The following EGFLAM variants were observed in gnomAD, a reference collection of about 807,000 sequenced individuals.
EGFLAM encodes EGF like, fibronectin type III and laminin G domains, also known as pikachurin.
EGFLAM carries 79 observed loss-of-function variants against 113.1 expected under a neutral mutation model. The observed-to-expected ratio is 0.70, with a 90% CI of 0.58 to 0.84. EGFLAM has a LOEUF of 0.84. Among genes scored for constraint, EGFLAM ranks in the 40% least tolerant of loss-of-function variants. EGFLAM has a pLI of 0.00. For missense variants in EGFLAM, 1,265 were observed against 1,291.6 expected, an observed-to-expected ratio of 0.98 and a Z score of 0.32; for synonymous variants, 504 against 487.6, an observed-to-expected ratio of 1.03 and a Z score of -0.44.
intron 19 of EGFLAM, among the ~76,000 whole-genome samples, chr5:38,451,804 A>C (rs1742922408): frequency 6.6e-6 from 1 of 152,054 alleles, no homozygotes; most frequent in Admixed American, 6.5e-5. Flanking sequence ...CAGCCTGAGC[A>C]ACATGGAGAA....
At chr5:38,263,089 T>C (rs1376035138) in intron 1 of EGFLAM, among the ~76,000 whole-genome samples, 1 of 152,042 alleles carries the variant, frequency 6.6e-6, no homozygotes, top group East Asian at 1.9e-4. Flanking sequence ...ACTAATTATA[T>C]TGAACATTTA....
intron 6 of EGFLAM, among the ~76,000 whole-genome samples, chr5:38,387,805 TAG>T (rs1740704345): frequency 6.6e-6 from 1 of 152,254 alleles, no homozygotes; most frequent in Non-Finnish European, 1.5e-5. Flanking sequence ...TTGTATGACC[TAG>T]AGAGAGGCTG....
At chr5:38,427,557 G>C (rs183037076) in intron 14 of EGFLAM, among the ~76,000 whole-genome samples, 1 of 152,274 alleles carries the variant, frequency 6.6e-6, no homozygotes, top group East Asian at 1.9e-4. Flanking sequence ...TCCACCTAAA[G>C]TTATGTCATG....
chr5:38,263,210 C>T (rs999455032), intron 1 of EGFLAM, among the ~76,000 whole-genome samples: 99 of 152,032 alleles, frequency 6.5e-4, no homozygotes, highest in African/African-American at 2.3e-3. Flanking sequence ...GCCTGTAATC[C>T]CAGCACTTTG....
At chr5:38,290,528 C>T (rs1374944423) in intron 1 of EGFLAM, 1 of 152,264 alleles carries the variant, frequency 6.6e-6, no homozygotes, top group Non-Finnish European at 1.5e-5. Flanking sequence ...ATCTGTTCAC[C>T]CTGACCTCTT....
intron 17 of EGFLAM, among the ~76,000 whole-genome samples, chr5:38,447,711 G>T (rs184110276): frequency 1.3e-5 from 2 of 149,182 alleles, no homozygotes; most frequent in African/African-American, 5.0e-5. Context: ...AGCCAAGATC[G>T]CGCCATTTCA....
chr5:38,266,268 T>A (rs887623100), intron 1 of EGFLAM, among the ~76,000 whole-genome samples: 3 of 152,034 alleles, frequency 2.0e-5, no homozygotes, highest in African/African-American at 7.3e-5. Flanking sequence ...CACATTGGGG[T>A]TCAAGTTCTG....
At chr5:38,387,490 T>C (rs1386584248) in intron 6 of EGFLAM, among the ~76,000 whole-genome samples, 1 of 152,218 alleles carries the variant, frequency 6.6e-6, no homozygotes, top group Non-Finnish European at 1.5e-5. Context: ...TGGTGTTTTC[T>C]CAAGGTGTAG....
intron 6 of EGFLAM, among the ~76,000 whole-genome samples, chr5:38,402,643 G>T (rs1322436121): frequency 6.6e-6 from 1 of 152,120 alleles, no homozygotes; most frequent in Non-Finnish European, 1.5e-5. Flanking sequence ...TCTTAACTCA[G>T]TTTTCTTATG....
chr5:38,298,123 G>T (rs1758490147), intron 1 of EGFLAM, among the ~76,000 whole-genome samples: 1 of 152,220 alleles, frequency 6.6e-6, no homozygotes, highest in East Asian at 1.9e-4. Flanking sequence ...GGGATCTGTT[G>T]TCTGCTCAGA....
intron 6 of EGFLAM, among the ~76,000 whole-genome samples, chr5:38,387,294 G>T (rs372906044): frequency 6.6e-6 from 1 of 152,192 alleles, no homozygotes; most frequent in African/African-American, 2.4e-5. Context: ...AAGGCCGTAT[G>T]ATGGCCTGAC....
intron 18 of EGFLAM, 150 bp from the exon 19 acceptor site, chr5:38,451,165 C>T (rs1048101391): frequency 3.6e-5 from 37 of 1,031,172 alleles, no homozygotes; most frequent in Admixed American, 8.5e-5. Context: ...CCTTTAGACC[C>T]GTGGTGCGAC....
At chr5:38,327,385 CAA>C (rs1738918960) in intron 1 of EGFLAM, among the ~76,000 whole-genome samples, 1 of 152,118 alleles carries the variant, frequency 6.6e-6, no homozygotes. Flanking sequence ...ATTGGGAAAA[CAA>C]TATAACATTC....
chr5:38,258,883 C>T (rs749732545), intron 1 of EGFLAM, 32 bp downstream of exon 1: 1 of 1,592,000 alleles, frequency 6.3e-7, no homozygotes, highest in Non-Finnish European at 8.6e-7. Flanking sequence ...AGCCACCACG[C>T]CCCGAGCGCC....
chr5:38,412,323 C>G (rs1741506766), intron 10 of EGFLAM, among the ~76,000 whole-genome samples, 181 bp from the exon 11 acceptor site: 1 of 152,084 alleles, frequency 6.6e-6, no homozygotes, highest in Non-Finnish European at 1.5e-5. Flanking sequence ...GAGATCGTCC[C>G]CAGGAAGAGG....
chr5:38,458,444 G>T, intron 20 of EGFLAM, 50 bp downstream of exon 20: 1 of 1,584,604 alleles, frequency 6.3e-7, no homozygotes, highest in South Asian at 1.1e-5. Flanking sequence ...GCAGTGGTGG[G>T]ATGTGGTGTC....
At chr5:38,445,477 A>C in intron 17 of EGFLAM, 2 of 1,441,192 alleles carry the variant, frequency 1.4e-6, no homozygotes, top group Non-Finnish European at 9.1e-7. Context: ...GCTGGGTGCC[A>C]ATCATGCTGA....
intron 7 of EGFLAM, among the ~76,000 whole-genome samples, chr5:38,406,612 C>T (rs1053190685): frequency 3.3e-5 from 5 of 152,174 alleles, no homozygotes; most frequent in African/African-American, 9.7e-5. Flanking sequence ...ATCAGTTTTA[C>T]TGCTGATTTT....
chr5:38,275,669 A>G (rs558739484), intron 1 of EGFLAM, among the ~76,000 whole-genome samples: 1 of 152,326 alleles, frequency 6.6e-6, no homozygotes, highest in South Asian at 2.1e-4. Context: ...GGCAGACAGA[A>G]AATCAGCAAA....
Sources: gnomAD v4.1 joint callset for allele counts (sites outside exome capture counted in the v4.1 genomes callset) on GRCh38, gnomAD v4.1.1 for gene constraint, MANE v1.5 for transcripts, NCBI Gene and HGNC (gene_info 2026-07-23, HGNC 2026-07-21) for gene names.